Variants in LINGO2 observed in about 807,000 individuals in gnomAD.
LINGO2 encodes leucine rich repeat and Ig domain containing 2.
A neutral mutation model predicts 30.6 loss-of-function variants in LINGO2; 14 were observed. The ratio of observed to expected loss-of-function variants is 0.46; its 90% confidence interval spans 0.30 to 0.72. The LOEUF is 0.72. LINGO2 is among the 30% of genes least tolerant of loss of function. The pLI is 0.07. For synonymous variants in LINGO2, 317 were observed against 288.5 expected, an observed-to-expected ratio of 1.10 and a Z score of -1.00; for missense variants, 729 against 751.7, an observed-to-expected ratio of 0.97 and a Z score of 0.35.
intron 4 of LINGO2, among the ~76,000 whole-genome samples, chr9:28,166,914 T>C (rs1828443549): frequency 6.6e-6 from 1 of 152,104 alleles, no homozygotes; most frequent in Admixed American, 6.5e-5. Context: ...TCTTCTGGGG[T>C]TTCTATGAAT....
chr9:28,578,592 T>C (rs890367768), intron 1 of LINGO2, among the ~76,000 whole-genome samples: 13 of 152,174 alleles, frequency 8.5e-5, no homozygotes, highest in Non-Finnish European at 1.5e-5. Context: ...AACAGTTTCC[T>C]TGCTGTTAAA....
chr9:28,690,273 CAT>C, the LINGO2 span, among the ~76,000 whole-genome samples: 1 of 152,016 alleles, frequency 6.6e-6, no homozygotes, highest in African/African-American at 2.4e-5. Flanking sequence ...CAAAAAAAGA[CAT>C]AGCCCAGCCC....
At chr9:28,946,419 A>G in the LINGO2 span, among the ~76,000 whole-genome samples, 2 of 152,174 alleles carry the variant, frequency 1.3e-5, no homozygotes, top group African/African-American at 2.4e-5. Context: ...TTGAAAAGCA[A>G]TATAGCATAG....
chr9:28,986,163 C>G, the LINGO2 span, among the ~76,000 whole-genome samples: 1 of 151,912 alleles, frequency 6.6e-6, no homozygotes, highest in South Asian at 2.1e-4. Flanking sequence ...AATCAATTGA[C>G]TGTATATGCC....
intron 2 of LINGO2, among the ~76,000 whole-genome samples, chr9:28,462,432 A>AT (rs1825120096): frequency 6.6e-6 from 1 of 151,286 alleles, no homozygotes; most frequent in African/African-American, 2.4e-5. Context: ...AAAAAAAAAA[A>AT]AAAAAATTAT....
At chr9:28,010,680 G>T (rs983890631) in intron 5 of LINGO2, among the ~76,000 whole-genome samples, 2 of 152,194 alleles carry the variant, frequency 1.3e-5, no homozygotes, top group Admixed American at 6.5e-5. Flanking sequence ...TGGACACAGT[G>T]GCTGGCTTAC....
chr9:28,597,548 T>C (rs897821134), intron 1 of LINGO2, among the ~76,000 whole-genome samples: 5 of 152,184 alleles, frequency 3.3e-5, no homozygotes, highest in African/African-American at 7.2e-5. Flanking sequence ...ATTTTAAAAG[T>C]ACAAAGGTCT....
chr9:28,302,322 A>G (rs1330174139), intron 3 of LINGO2, among the ~76,000 whole-genome samples: 4 of 152,230 alleles, frequency 2.6e-5, no homozygotes, highest in Non-Finnish European at 2.9e-5. Flanking sequence ...GAACAGTGCC[A>G]CTGCATTAGT....
At chr9:28,146,004 G>A (rs1827802618) in intron 4 of LINGO2, among the ~76,000 whole-genome samples, 1 of 152,148 alleles carries the variant, frequency 6.6e-6, no homozygotes, top group Non-Finnish European at 1.5e-5. Flanking sequence ...CAGATGGGAA[G>A]GGCCACAGTT....
intron 4 of LINGO2, among the ~76,000 whole-genome samples, chr9:28,083,925 A>G (rs2133230397): frequency 6.6e-6 from 1 of 152,310 alleles, no homozygotes; most frequent in East Asian, 1.9e-4. Flanking sequence ...AATAAGGGTA[A>G]TTGTACACTG....
chr9:28,046,400 C>A (rs375458366), intron 4 of LINGO2, among the ~76,000 whole-genome samples: 1 of 152,078 alleles, frequency 6.6e-6, no homozygotes, highest in African/African-American at 2.4e-5. Flanking sequence ...TTCAGTAGTC[C>A]GGAATGGGGT....
intron 4 of LINGO2, among the ~76,000 whole-genome samples, chr9:28,272,857 A>G (rs1388111663): frequency 6.6e-6 from 1 of 152,044 alleles, no homozygotes; most frequent in Non-Finnish European, 1.5e-5. Context: ...TACTAACTGA[A>G]CCAATCTCCA....
At chr9:28,003,542 T>C (rs1391323658) in intron 5 of LINGO2, among the ~76,000 whole-genome samples, 1 of 152,138 alleles carries the variant, frequency 6.6e-6, no homozygotes, top group African/African-American at 2.4e-5. Flanking sequence ...CACTGCAAGC[T>C]CCGCCTCCCG....
chr9:28,212,878 A>G lies in LINGO2; in HGVS notation c.-87+82330T>C, dbSNP rs73445998. On this transcript the variant is annotated intron_variant, in intron 4 of 5. Coordinates refer to ENST00000379992, the Ensembl canonical transcript of LINGO2. The stretch of plus-strand genomic sequence containing the variant: ...CAGATACATTTCAATGAGAATGTGA[A>G]TAAATTTGTTTATCAAGGAATTTGT... Among the ~76,000 whole-genome samples the G allele has an allele frequency of 7.7e-3, 1,165 of 151,520 alleles. 8 individuals are homozygous for G. Among genetic ancestry groups the G allele is most frequent in the African/African-American group, 0.027 (1,119 of 41,452 alleles).
intron 5 of LINGO2, among the ~76,000 whole-genome samples, chr9:28,006,715 C>T (rs1273227854): frequency 6.6e-6 from 1 of 152,138 alleles, no homozygotes; most frequent in African/African-American, 2.4e-5. Flanking sequence ...GGGAACACTT[C>T]TCACTACATG....
At chr9:28,012,758 C>A (rs1305487477) in intron 4 of LINGO2, among the ~76,000 whole-genome samples, 2 of 152,156 alleles carry the variant, frequency 1.3e-5, no homozygotes. Flanking sequence ...CCTCCCTGGG[C>A]AACTCCCACT....
At chr9:28,069,581 C>G (rs1372197191) in intron 4 of LINGO2, among the ~76,000 whole-genome samples, 1 of 152,156 alleles carries the variant, frequency 6.6e-6, no homozygotes, top group Non-Finnish European at 1.5e-5. Flanking sequence ...TTTGATATTC[C>G]TTCCGAATGC....
At chr9:28,111,493 T>C (rs944598619) in intron 4 of LINGO2, among the ~76,000 whole-genome samples, 2 of 152,030 alleles carry the variant, frequency 1.3e-5, no homozygotes, top group Admixed American at 1.3e-4. Context: ...AAAAAGGCTC[T>C]AGGAAACTTT....
chr9:28,705,102 A>G, the LINGO2 span, among the ~76,000 whole-genome samples: 4 of 151,728 alleles, frequency 2.6e-5, no homozygotes, highest in Admixed American at 2.6e-4. Context: ...TTTTTTGTAG[A>G]GTTTGAGTTT....
Sources: gnomAD v4.1 joint callset for allele counts (sites outside exome capture counted in the v4.1 genomes callset) on GRCh38, gnomAD v4.1.1 for gene constraint, MANE v1.5 for transcripts, NCBI Gene and HGNC (gene_info 2026-07-23, HGNC 2026-07-21) for gene names.